ERC2: variants seen among roughly 807,000 people sequenced by gnomAD.
ERC2 encodes ELKS/RAB6-interacting/CAST family member 2, also known as ERC protein 2.
ERC2 carries 42 observed loss-of-function variants against 114.8 expected under a neutral mutation model. That is an observed-to-expected ratio of 0.37 (90% CI 0.29 to 0.47). The LOEUF (loss-of-function observed/expected upper bound fraction) is 0.47, where lower values mean the gene tolerates loss of function less well. Ranked by LOEUF, ERC2 falls within the 20% of genes least tolerant of loss-of-function variation. The probability of loss-of-function intolerance (pLI) is 0.99; values close to 1 mark genes in which losing one functional copy is unlikely to be tolerated. For missense variants in ERC2, 939 were observed against 1,150.7 expected, an observed-to-expected ratio of 0.82 and a Z score of 2.66; for synonymous variants, 454 against 425.5, an observed-to-expected ratio of 1.07 and a Z score of -0.82.
intron 2 of ERC2, among the ~76,000 whole-genome samples, chr3:56,311,642 C>G (rs879142937): frequency 2.6e-5 from 4 of 151,902 alleles, no homozygotes; most frequent in Admixed American, 2.6e-4. Context: ...TTATTATTCT[C>G]TAGCAATTTT....
intron 7 of ERC2, among the ~76,000 whole-genome samples, chr3:56,058,033 A>C (rs1287304309): frequency 6.6e-6 from 1 of 152,218 alleles, no homozygotes; most frequent in Non-Finnish European, 1.5e-5. Flanking sequence ...TGATATAATC[A>C]ATGTGATTTT....
At chr3:56,170,590 T>TC (rs2082588925) in intron 4 of ERC2, among the ~76,000 whole-genome samples, 2 of 30,306 alleles carry the variant, frequency 6.6e-5, no homozygotes, top group East Asian at 1.2e-3. Context: ...CTTCTGTTTT[T>TC]TTTTTTTTTT....
At chr3:55,627,883 CTTTTTT>C (rs10714648) in intron 17 of ERC2, among the ~76,000 whole-genome samples, 1 of 82,576 alleles carries the variant, frequency 1.2e-5, no homozygotes, top group Non-Finnish European at 2.3e-5. Flanking sequence ...GGACTTGGTG[CTTTTTT>C]TTTTTTTTTT....
At chr3:55,716,891 C>A (rs1449029607) in intron 15 of ERC2, among the ~76,000 whole-genome samples, 2 of 152,134 alleles carry the variant, frequency 1.3e-5, no homozygotes, top group African/African-American at 4.8e-5. Context: ...TATATGGAGA[C>A]CAAGTGTTTA....
intron 15 of ERC2, among the ~76,000 whole-genome samples, chr3:55,701,218 T>C (rs1348971368): frequency 1.3e-5 from 2 of 152,224 alleles, no homozygotes; most frequent in Admixed American, 6.5e-5. Flanking sequence ...TTCTCAATAC[T>C]TTCCCAGGAG....
At chr3:56,428,387 G>T (rs2061655824) in intron 2 of ERC2, among the ~76,000 whole-genome samples, 1 of 151,930 alleles carries the variant, frequency 6.6e-6, no homozygotes, top group African/African-American at 2.4e-5. Flanking sequence ...CGCGCGTGCT[G>T]GTACACACCT....
At chr3:56,394,549 G>T (rs1331052351) in intron 2 of ERC2, among the ~76,000 whole-genome samples, 1 of 152,062 alleles carries the variant, frequency 6.6e-6, no homozygotes, top group Non-Finnish European at 1.5e-5. Flanking sequence ...TTAAAAATGG[G>T]CAAAAGATCT....
chr3:55,765,742 A>G (rs926275822), intron 14 of ERC2, among the ~76,000 whole-genome samples: 2 of 152,226 alleles, frequency 1.3e-5, no homozygotes, highest in African/African-American at 4.8e-5. Flanking sequence ...TTAAAGATGG[A>G]CCGCAGACCA....
chr3:55,940,836 G>A (rs751420469), intron 13 of ERC2, among the ~76,000 whole-genome samples: 16 of 152,028 alleles, frequency 1.1e-4, no homozygotes, highest in South Asian at 4.1e-4. Flanking sequence ...GCAAAACCCC[G>A]TTACCCAAGT....
chr3:56,443,218 C>T (rs1005114832), intron 1 of ERC2, among the ~76,000 whole-genome samples: 3 of 152,158 alleles, frequency 2.0e-5, no homozygotes, highest in Non-Finnish European at 4.4e-5. Context: ...GCTTACAACA[C>T]CAAGATCACA....
chr3:55,961,065 G>A (rs2068327046), intron 12 of ERC2, among the ~76,000 whole-genome samples: 1 of 152,232 alleles, frequency 6.6e-6, no homozygotes, highest in Non-Finnish European at 1.5e-5. Flanking sequence ...AGGTTGCAGT[G>A]AGCCAAGATC....
chr3:56,010,697 G>T, intron 8 of ERC2, 108 bp from the exon 9 acceptor site: 1 of 1,252,060 alleles, frequency 8.0e-7, no homozygotes, highest in Non-Finnish European at 1.1e-6. Flanking sequence ...TGCTGTACAG[G>T]AATCAACACA....
intron 3 of ERC2, among the ~76,000 whole-genome samples, chr3:56,294,182 G>A (rs57708875): frequency 0.061 from 9,257 of 152,326 alleles, 677 homozygotes; most frequent in African/African-American, 0.17. Flanking sequence ...GGTCTATGAA[G>A]TAAGACATGG....
At chr3:55,985,923 A>G (rs2070587718) in intron 12 of ERC2, 54 bp downstream of exon 12, 1 of 1,493,286 alleles carries the variant, frequency 6.7e-7, no homozygotes, top group South Asian at 1.2e-5. Context: ...AGTGCAAGCC[A>G]TAAATTGAGC....
chr3:56,380,902 A>G (rs941861388), intron 2 of ERC2, among the ~76,000 whole-genome samples: 2 of 152,246 alleles, frequency 1.3e-5, no homozygotes, highest in South Asian at 4.1e-4. Flanking sequence ...ATAATTGACC[A>G]TCAAACTAGG....
At chr3:55,612,375 A>G (rs978573151) in intron 17 of ERC2, among the ~76,000 whole-genome samples, 7 of 152,302 alleles carry the variant, frequency 4.6e-5, no homozygotes, top group Admixed American at 1.3e-4. Context: ...TCTCATAATC[A>G]ACAACTGAAG....
chr3:55,955,467 A>T (rs1429514434), intron 12 of ERC2, among the ~76,000 whole-genome samples: 2 of 152,100 alleles, frequency 1.3e-5, no homozygotes, highest in Non-Finnish European at 2.9e-5. Context: ...TTACTCTTGA[A>T]CTTTATATAC....
chr3:56,193,323 C>T (rs2047904232), intron 3 of ERC2, among the ~76,000 whole-genome samples: 1 of 152,100 alleles, frequency 6.6e-6, no homozygotes, highest in African/African-American at 2.4e-5. Context: ...GCCTGGCCAA[C>T]ATGGCAAAAC....
chr3:56,458,717 G>A (rs1214144452), intron 1 of ERC2, among the ~76,000 whole-genome samples: 4 of 152,000 alleles, frequency 2.6e-5, no homozygotes, highest in Non-Finnish European at 5.9e-5. Context: ...TGAACAATAC[G>A]AATAAAGGGT....
Sources: allele counts gnomAD v4.1 joint callset (sites outside exome capture counted in the v4.1 genomes callset), GRCh38; gene constraint gnomAD v4.1.1; transcripts MANE v1.5; gene names NCBI Gene and HGNC (gene_info 2026-07-23, HGNC 2026-07-21).